TMTC2: variants seen among roughly 807,000 people sequenced by gnomAD.
TMTC2 encodes the protein protein O-mannosyl-transferase TMTC2.
In TMTC2, 43 loss-of-function variants were observed where a neutral mutation model predicts 82.4. The ratio of observed to expected loss-of-function variants is 0.52; its 90% CI spans 0.41 to 0.67. The LOEUF is 0.67. Among genes scored for constraint, TMTC2 ranks in the 30% least tolerant of loss-of-function variants. The pLI, the probability that TMTC2 is intolerant of heterozygous loss-of-function variation, is 0.00. For missense variants in TMTC2, 919 were observed against 1,012.4 expected, an observed-to-expected ratio of 0.91 and a Z score of 1.25; for synonymous variants, 408 against 381.9, an observed-to-expected ratio of 1.07 and a Z score of -0.80.
At chr12:82,941,988 C>T (rs1046090389) in intron 4 of TMTC2, among the ~76,000 whole-genome samples, 3 of 152,204 alleles carry the variant, frequency 2.0e-5, no homozygotes, top group African/African-American at 7.2e-5. Context: ...TCAAGTGATC[C>T]GCCTGCCTCA....
intron 2 of TMTC2, among the ~76,000 whole-genome samples, chr12:82,887,442 A>G (rs566520722): frequency 6.6e-6 from 1 of 152,328 alleles, no homozygotes; most frequent in East Asian, 1.9e-4. Flanking sequence ...TATCACCACT[A>G]ACTAATATGG....
At chr12:82,721,515 T>C (rs1438979277) in intron 1 of TMTC2, among the ~76,000 whole-genome samples, 1 of 152,218 alleles carries the variant, frequency 6.6e-6, no homozygotes, top group Non-Finnish European at 1.5e-5. Flanking sequence ...TAGTTGCTGC[T>C]GAATAGGAAC....
intron 4 of TMTC2, among the ~76,000 whole-genome samples, chr12:82,952,019 A>G (rs926910922): frequency 5.3e-5 from 8 of 152,322 alleles, no homozygotes; most frequent in South Asian, 2.1e-4. Flanking sequence ...TAAAAGTCAC[A>G]GAAGTGCTTC....
intron 4 of TMTC2, among the ~76,000 whole-genome samples, chr12:82,939,645 ATT>A (rs1876595756): frequency 6.6e-6 from 1 of 152,116 alleles, no homozygotes; most frequent in Non-Finnish European, 1.5e-5. Flanking sequence ...TACCTATCCA[ATT>A]ATTGGATAGC....
chr12:82,966,079 T>A, intron 6 of TMTC2: 1 of 292,816 alleles, frequency 3.4e-6, no homozygotes, highest in East Asian at 5.7e-5. Context: ...CACCATTTCT[T>A]TGGTTTGATG....
intron 8 of TMTC2, among the ~76,000 whole-genome samples, chr12:83,019,355 A>G (rs1299031823): frequency 2.0e-5 from 3 of 152,014 alleles, no homozygotes; most frequent in Non-Finnish European, 4.4e-5. Flanking sequence ...AATAACACCC[A>G]CTTCTTCTGG....
chr12:83,058,500 T>C (rs1278578765), intron 10 of TMTC2, among the ~76,000 whole-genome samples: 1 of 151,796 alleles, frequency 6.6e-6, no homozygotes, highest in Non-Finnish European at 1.5e-5. Context: ...CCAACAGCTA[T>C]GATAGGTAGG....
intron 4 of TMTC2, among the ~76,000 whole-genome samples, chr12:82,945,126 G>A (rs1876929591): frequency 6.6e-6 from 1 of 152,086 alleles, no homozygotes; most frequent in Non-Finnish European, 1.5e-5. Context: ...TAACTATTAA[G>A]CCTTGCACTC....
intron 1 of TMTC2, among the ~76,000 whole-genome samples, chr12:82,793,202 A>G (rs1426872276): frequency 1.3e-5 from 2 of 152,148 alleles, no homozygotes; most frequent in Non-Finnish European, 2.9e-5. Context: ...GGGATAGAAC[A>G]TTATTTCCTT....
chr12:82,716,529 A>G (rs1873910111), intron 1 of TMTC2, among the ~76,000 whole-genome samples: 1 of 151,730 alleles, frequency 6.6e-6, no homozygotes, highest in African/African-American at 2.4e-5. Context: ...ATGCCCGGCT[A>G]ATTTTTGTAT....
intron 7 of TMTC2, among the ~76,000 whole-genome samples, chr12:82,974,459 T>C (rs186045701): frequency 7.8e-4 from 119 of 152,268 alleles, no homozygotes; most frequent in Middle Eastern, 6.8e-3. Flanking sequence ...GAAATAGACA[T>C]AGTCATGTGG....
rs79804148 is a variant in TMTC2, at chr12:82,909,880, G to C, written c.1483+13234G>C. Among the ~76,000 whole-genome samples, 1,463 of 152,174 alleles carry C rather than the reference G, an allele frequency of 9.6e-3. 40 individuals are homozygous for C. The East Asian group carries it at 0.11, about 11-fold the overall frequency. ...CTATTTGAGAATAGAGTTAAGATCAGAGCTACTATTTTTGAAATATTTAAT... is the reference window on the plus strand; with the variant it reads ...CTATTTGAGAATAGAGTTAAGATCACAGCTACTATTTTTGAAATATTTAAT... On this transcript the variant is annotated intron_variant, in intron 3 of 11. Transcript: ENST00000321196.
Position 82,933,120 on chromosome 12 carries a change from C to G in TMTC2, c.1598+2575C>G, listed in dbSNP as rs75935776. 7.2e-3 allele frequency among the ~76,000 whole-genome samples: 1,099 copies of G among 152,216 alleles called. 10 individuals carry two copies. Among genetic ancestry groups the G allele is most frequent in the Non-Finnish European group, 0.01 (697 of 68,002 alleles). ...CAATATAGTTCCACGATATTTTTTACTAATATGATGGGTCTTTAAACCACA... is the reference window on the plus strand; with the variant it reads ...CAATATAGTTCCACGATATTTTTTAGTAATATGATGGGTCTTTAAACCACA... On this transcript the variant is annotated intron_variant, in intron 4 of 11. Transcript: ENST00000321196.
chr12:82,791,795 A>G (rs551549441), intron 1 of TMTC2, among the ~76,000 whole-genome samples: 1 of 152,240 alleles, frequency 6.6e-6, no homozygotes, highest in African/African-American at 2.4e-5. Context: ...ATTTTGAGAC[A>G]CTTTTTGAGA....
At chr12:82,808,877 TG>T (rs1879361954) in intron 1 of TMTC2, among the ~76,000 whole-genome samples, 1 of 151,880 alleles carries the variant, frequency 6.6e-6, no homozygotes, top group African/African-American at 2.4e-5. Context: ...AAATTTGTAT[TG>T]GCCAAAAGTT....
chr12:82,963,853 G>C (rs1878066810), intron 4 of TMTC2, among the ~76,000 whole-genome samples: 1 of 104,878 alleles, frequency 9.5e-6, no homozygotes, highest in Admixed American at 1.1e-4. Context: ...ATATATATGT[G>C]AAAGTGATCT....
intron 3 of TMTC2, among the ~76,000 whole-genome samples, chr12:82,918,011 C>T (rs1875118602): frequency 6.6e-6 from 1 of 152,178 alleles, no homozygotes; most frequent in Non-Finnish European, 1.5e-5. Flanking sequence ...CATTCTCCCA[C>T]CTCAGCCTTG....
intron 2 of TMTC2, among the ~76,000 whole-genome samples, chr12:82,886,250 AT>A (rs1873092558): frequency 1.3e-5 from 2 of 152,108 alleles, no homozygotes; most frequent in African/African-American, 4.8e-5. Flanking sequence ...CATTTTGTAT[AT>A]TTTCTGTTCC....
chr12:83,000,781 C>T (rs991766252), intron 8 of TMTC2, among the ~76,000 whole-genome samples: 1 of 152,150 alleles, frequency 6.6e-6, no homozygotes, highest in African/African-American at 2.4e-5. Context: ...AGGGCTCCAC[C>T]CATGCAACAA....
Sources: allele counts gnomAD v4.1 joint callset (sites outside exome capture counted in the v4.1 genomes callset), GRCh38; gene constraint gnomAD v4.1.1; transcripts MANE v1.5; gene names NCBI Gene and HGNC (gene_info 2026-07-23, HGNC 2026-07-21).